Variants in SMARCA4 observed in about 807,000 individuals in gnomAD.
SMARCA4 encodes SWI/SNF related BAF chromatin remodeling complex subunit ATPase 4.
A neutral mutation model predicts 193.9 loss-of-function variants in SMARCA4; 31 were observed. The observed-to-expected ratio is 0.16, with a 90% CI of 0.12 to 0.22. The LOEUF (loss-of-function observed/expected upper bound fraction) is 0.22, where lower values mean the gene tolerates loss of function less well. SMARCA4 is among the 10% of genes least tolerant of loss of function. The pLI, the probability that SMARCA4 is intolerant of heterozygous loss-of-function variation, is 1.00. For missense variants in SMARCA4, 1,148 were observed against 2,296.0 expected (o/e 0.50, Z 10.22); for synonymous variants, 942 against 933.1 (o/e 1.01, Z -0.17).
Position 10,984,052 on chromosome 19 carries a change from G to T in SMARCA4, c.-31-69G>T. 1 of 1,194,884 alleles carries T rather than the reference G, an allele frequency of 8.4e-7. No individual in the cohort carries two copies. The allele number at this position is 1,194,884 out of a possible 1,614,324, so 74.0% of individuals were successfully genotyped here. ...TAGATTCTGATGTGACCGTATGATT[G>T]TCCCTTGCTATCCCTGTCCTGCCTC... On this transcript the variant is annotated intron_variant, in intron 1 of 34. Transcript: ENST00000344626. This position sits in a 1 kb window ranked among gnomAD's most constrained non-coding sequence, Gnocchi z 4.3.
At position 10,985,428 on chromosome 19, in the gene SMARCA4, G is replaced by T. The variant is rs371740591; in HGVS notation, c.355+23G>T. On this transcript the variant is annotated intron_variant, in intron 3 of 34. Coordinates refer to ENST00000344626, the MANE Select transcript of SMARCA4 (RefSeq NM_003072.5). This position sits in a 1 kb window ranked among gnomAD's most constrained non-coding sequence, Gnocchi z 4.5. The stretch of plus-strand genomic sequence containing the variant: ...AAGGTACAGAACTGCGTTCCTTCCT[G>T]CCTTGTGTTTGTCATACTCCAGAGT... 1 of 1,612,682 alleles carries T rather than the reference G, an allele frequency of 6.2e-7. No homozygotes were observed. Among genetic ancestry groups the T allele is most frequent in the African/African-American group, 1.3e-5 (1 of 74,904 alleles).
intron 1 of SMARCA4, among the ~76,000 whole-genome samples, chr19:10,979,680 A>G (rs1340597581): frequency 6.7e-6 from 1 of 150,250 alleles, no homozygotes; most frequent in African/African-American, 2.4e-5. Flanking sequence ...TATTATTTAT[A>G]TGTTACATAT....
chr19:11,038,055 C>T (rs1040143699), intron 29 of SMARCA4, among the ~76,000 whole-genome samples: 2 of 152,168 alleles, frequency 1.3e-5, no homozygotes, highest in African/African-American at 2.4e-5. Flanking sequence ...CTCCTATGGC[C>T]GCCATCGGAC....
chr19:10,982,657 G>T (rs374413741), intron 1 of SMARCA4, among the ~76,000 whole-genome samples: 1 of 151,836 alleles, frequency 6.6e-6, no homozygotes, highest in Non-Finnish European at 1.5e-5. Flanking sequence ...CTGCCACCAT[G>T]CCCGGCTAAG....
intron 18 of SMARCA4, chr19:11,020,661 C>G (rs2089783019): frequency 1.3e-5 from 2 of 152,492 alleles, no homozygotes; most frequent in African/African-American, 4.8e-5. Flanking sequence ...AAGGAATCCT[C>G]TCGCCTTGGC....
Position 11,030,682 on chromosome 19 carries a change from T to C in SMARCA4, c.3383-48T>C, listed in dbSNP as rs2146595169. The C allele has an allele frequency of 1.3e-6, 2 of 1,569,120 alleles. No individual in the cohort carries two copies. The highest frequency in any genetic ancestry group is 1.7e-6 in the Non-Finnish European group (2 of 1,151,186). The stretch of plus-strand genomic sequence containing the variant: ...CAGGTGTTCCTTGGTGTCCCCACTC[T>C]ACCCCTGAGGTCACCCCGCTGACCC... On this transcript the variant is annotated intron_variant, in intron 24 of 34. Coordinates refer to ENST00000344626, the MANE Select transcript of SMARCA4 (RefSeq NM_003072.5). This position sits in a 1 kb window ranked among gnomAD's most constrained non-coding sequence, Gnocchi z 5.5.
intron 18 of SMARCA4, chr19:11,020,551 C>G (rs1317963613): frequency 6.6e-6 from 1 of 151,994 alleles, no homozygotes; most frequent in African/African-American, 2.4e-5. Context: ...GCTGGGACTA[C>G]AGGTGTGCGC....
Position 10,985,465 on chromosome 19 carries a change from T to G in SMARCA4, c.355+60T>G, listed in dbSNP as rs915226562. ...TCATACTCCAGAGTCCTCAGATCATTTTCCTCCCCTGGGTTCCCACAGGAT... is the reference window on the plus strand; with the variant it reads ...TCATACTCCAGAGTCCTCAGATCATGTTCCTCCCCTGGGTTCCCACAGGAT... On this transcript the variant is annotated intron_variant, in intron 3 of 34. Transcript: ENST00000344626. The surrounding 1 kb of genome is among the most constrained non-coding windows in gnomAD (Gnocchi z 4.5). The G allele has an allele frequency of 6.3e-7, 1 of 1,593,500 alleles. No homozygotes were observed. The highest frequency in any genetic ancestry group is 1.3e-5 in the African/African-American group (1 of 74,544).
rs1228215670 is a variant in SMARCA4, at chr19:11,030,931, G to T, written c.3546+38G>T. 4.4e-6 allele frequency: 7 copies of T among 1,590,794 alleles called. No homozygotes were observed. Among genetic ancestry groups the T allele is most frequent in the Non-Finnish European group, 5.1e-6 (6 of 1,167,106 alleles). On this transcript the variant is annotated intron_variant, in intron 25 of 34. Transcript: ENST00000344626. The surrounding 1 kb of genome is among the most constrained non-coding windows in gnomAD (Gnocchi z 5.5). Reference sequence around the variant, plus strand: ...CGGGCCCCAGGTCGAGGAGAAGGAAGGGGGTGCCTGCAAAACCTCGAGGAG... The same window carrying T: ...CGGGCCCCAGGTCGAGGAGAAGGAATGGGGTGCCTGCAAAACCTCGAGGAG...
At chr19:10,989,294 T>A (rs1248507636) in intron 6 of SMARCA4, 23 bp from the exon 7 acceptor site, 1 of 1,613,460 alleles carries the variant, frequency 6.2e-7, no homozygotes, top group Non-Finnish European at 8.5e-7. Flanking sequence ...CTCACCGCCT[T>A]TGCTCCTTGT....
At position 11,017,047 on chromosome 19, in the gene SMARCA4, C is replaced by T. The variant is rs116494171; in HGVS notation, c.2439-1910C>T. Among the ~76,000 whole-genome samples the T allele has an allele frequency of 3.9e-3, 598 of 152,178 alleles. 4 individuals carry two copies. The highest frequency in any genetic ancestry group is 0.013 in the African/African-American group (544 of 41,516). ...TGGTCAGTGCTAGGAGATTCATGTG[C>T]GCGTGCTGATGCTTTGTGCACGTAT... On this transcript the variant is annotated intron_variant, in intron 16 of 34. Transcript: ENST00000344626.
rs2088393217 is a variant in SMARCA4 at position 11,007,907 on chromosome 19, G to A, written c.2007G>A (p.Glu669=). The change falls in exon 14 of 35, where the codon GAG becomes GAA. Residue 669 remains glutamate (E), a synonymous_variant. Transcript: ENST00000344626. ...ESGSEEEEEE[E]EEEQPQAAQP... Reference sequence around the variant, plus strand: ...ATGGGCTTGTCTCTTGGTAGGAGGAGGAGGAAGAGCAGCCGCAGGCAGCAC... The same window carrying A: ...ATGGGCTTGTCTCTTGGTAGGAGGAAGAGGAAGAGCAGCCGCAGGCAGCAC... The A allele has an allele frequency of 1.2e-6, 2 of 1,613,550 alleles. No individual in the cohort carries two copies. The highest frequency in any genetic ancestry group is 1.1e-5 in the South Asian group (1 of 91,076).
chr19:11,057,350 CACT>C lies in SMARCA4; in HGVS notation c.4425-904_4425-902del, dbSNP rs1389280144. 5.3e-5 allele frequency among the ~76,000 whole-genome samples: 8 copies of C among 152,194 alleles called. 1 individual carries two copies. The highest frequency in any genetic ancestry group is 1.2e-4 in the Non-Finnish European group (8 of 68,022). The stretch of plus-strand genomic sequence containing the variant: ...TGCACGAGGCCTGGCAGCATCTCAT[CACT>C]GCCGCTGTACCGAGTGCACAAGGGC... On this transcript the variant is annotated intron_variant, in intron 30 of 34. Transcript: ENST00000344626.
chr19:11,023,942 G>C (rs1480527655), intron 20 of SMARCA4, among the ~76,000 whole-genome samples: 1 of 152,220 alleles, frequency 6.6e-6, no homozygotes, highest in Non-Finnish European at 1.5e-5. Context: ...TTGCCCCCCG[G>C]CCCCCCATCA....
chr19:11,008,326 G>A, intron 14 of SMARCA4: 11 of 379,948 alleles, frequency 2.9e-5, no homozygotes, highest in South Asian at 2.3e-4. Flanking sequence ...CCTCCCTGGG[G>A]AAACTTTCCA....
chr19:11,027,957 A>G lies in SMARCA4; in HGVS notation c.3382+7A>G, dbSNP rs570327882. 3.7e-6 allele frequency: 6 copies of G among 1,613,924 alleles called. 1 individual carries two copies. The highest frequency in any genetic ancestry group is 3.3e-5 in the South Asian group (3 of 91,078). ...AAATACCTCAGGCTTGATGGTGAGTATGAGCCAGTGAGGCGTTTCTTACAG... is the reference window on the plus strand; with the variant it reads ...AAATACCTCAGGCTTGATGGTGAGTGTGAGCCAGTGAGGCGTTTCTTACAG... On this transcript the variant is annotated splice_region_variant and intron_variant, in intron 24 of 34. Coordinates refer to ENST00000344626, the MANE Select transcript of SMARCA4 (RefSeq NM_003072.5).
At chr19:11,008,054 C>G (rs1432364138) in intron 14 of SMARCA4, 31 bp downstream of exon 14, 1 of 1,606,458 alleles carries the variant, frequency 6.2e-7, no homozygotes, top group Non-Finnish European at 8.5e-7. Flanking sequence ...TTGTTCTGTG[C>G]CAGCTTCCTG....
intron 32 of SMARCA4, 185 bp downstream of exon 32, chr19:11,059,074 C>T (rs998485654): frequency 2.0e-5 from 12 of 595,762 alleles, no homozygotes; most frequent in African/African-American, 5.6e-5. Context: ...CAGGAGTTCA[C>T]GACCAGCCTG....
chr19:11,058,974 A>G lies in SMARCA4; in HGVS notation c.4635+85A>G. 9.1e-7 allele frequency: 1 copy of G among 1,098,794 alleles called. No homozygotes were observed. The allele number at this position is 1,098,794 out of a possible 1,614,324, so 68.1% of individuals were successfully genotyped here. A position where few individuals can be genotyped will look rare whatever the true frequency, so the allele number is the denominator to read the frequency against. The stretch of plus-strand genomic sequence containing the variant: ...CCGCCCCTCCTTCCCTTCTGAATTG[A>G]TGGGTTAAAAACAAGTCCCGCTAGC... On this transcript the variant is annotated intron_variant, in intron 32 of 34. Coordinates refer to ENST00000344626, the MANE Select transcript of SMARCA4 (RefSeq NM_003072.5). This position sits in a 1 kb window ranked among gnomAD's most constrained non-coding sequence, Gnocchi z 5.8.
Sources: allele counts gnomAD v4.1 joint callset (sites outside exome capture counted in the v4.1 genomes callset), GRCh38; gene constraint gnomAD v4.1.1; non-coding constraint Gnocchi (gnomAD v3.1); transcripts MANE v1.5; gene names NCBI Gene and HGNC (gene_info 2026-07-23, HGNC 2026-07-21).